Variants in EXOC5 observed in about 807,000 individuals in gnomAD.
EXOC5 encodes the protein SEC10-like 1.
In EXOC5, 17 loss-of-function variants were observed where a neutral mutation model predicts 90.8. The observed-to-expected ratio is 0.19, with a 90% confidence interval of 0.13 to 0.28. The LOEUF (loss-of-function observed/expected upper bound fraction) is 0.28. Among genes scored for constraint, EXOC5 ranks in the 10% least tolerant of loss-of-function variants. The pLI, the probability that EXOC5 is intolerant of heterozygous loss-of-function variation, is 1.00. For synonymous variants in EXOC5, 260 were observed against 270.0 expected, an observed-to-expected ratio of 0.96 and a Z score of 0.36; for missense variants, 569 against 830.6, an observed-to-expected ratio of 0.69 and a Z score of 3.87.
chr14:57,268,440 C>A lies in EXOC5; in HGVS notation c.27+182G>T. On this transcript the variant is annotated intron_variant, in intron 1 of 17. Coordinates refer to ENST00000621441, the MANE Select transcript of EXOC5 (RefSeq NM_006544.4). Reference sequence around the variant, plus strand: ...GCCCAGCCCACCTCGGCCCCAAGCACCCCTCCCCCATTTCACGCTCCGCCC... The same window carrying A: ...GCCCAGCCCACCTCGGCCCCAAGCAACCCTCCCCCATTTCACGCTCCGCCC... 5 of 1,475,414 alleles carry A rather than the reference C, an allele frequency of 3.4e-6. No homozygotes were observed. The South Asian group carries it at 6.7e-5, about 20-fold the overall frequency. 91.4% of individuals were successfully genotyped at this position (1,475,414 alleles called of 1,614,324 possible).
chr14:57,244,854 G>T (rs528787833), intron 3 of EXOC5, among the ~76,000 whole-genome samples: 1 of 152,136 alleles, frequency 6.6e-6, no homozygotes, highest in African/African-American at 2.4e-5. Flanking sequence ...AATATTAGCT[G>T]GGTTTGGTGG....
chr14:57,229,463 G>A (rs573567669), intron 12 of EXOC5, among the ~76,000 whole-genome samples: 1 of 152,156 alleles, frequency 6.6e-6, no homozygotes, highest in African/African-American at 2.4e-5. Context: ...AATATGTACT[G>A]TCATCATCCC....
intron 1 of EXOC5, among the ~76,000 whole-genome samples, chr14:57,252,926 A>G (rs1884235922): frequency 1.3e-5 from 2 of 152,194 alleles, no homozygotes; most frequent in Admixed American, 1.3e-4. Flanking sequence ...AATACAGCAT[A>G]TATTCACAAG....
Position 57,206,193 on chromosome 14 carries a change from G to C in EXOC5, c.*2416C>G. 2 of 296,586 alleles carry C rather than the reference G, an allele frequency of 6.7e-6. No individual in the cohort carries two copies. The highest frequency in any genetic ancestry group is 1.8e-4 in the East Asian group (2 of 11,060). 18.4% of individuals were successfully genotyped at this position (296,586 alleles called of 1,614,324 possible). The stretch of plus-strand genomic sequence containing the variant: ...AAAGACCGTACTTACGTAAATGTTG[G>C]TTAAAGTTACCAATTATACAAAGCT... On this transcript the variant is annotated 3_prime_UTR_variant, in exon 18 of 18. Transcript: ENST00000621441.
rs1483304122 is a variant in EXOC5 at position 57,200,699 on chromosome 14, C to T, written c.*7910G>A. The T allele has an allele frequency of 1.3e-5, 2 of 148,964 alleles. No individual in the cohort carries two copies. Among genetic ancestry groups the T allele is most frequent in the Admixed American group, 6.7e-5 (1 of 14,874 alleles). 9.2% of individuals were successfully genotyped at this position (148,964 alleles called of 1,614,324 possible). A position where few individuals can be genotyped will look rare whatever the true frequency, so the allele number is the denominator to read the frequency against. ...TTCTTTCAAAATGTAAGTTCTGTGT[C>T]TTGGGCATAACACTTTACCCCCTCC... On this transcript the variant is annotated 3_prime_UTR_variant, in exon 18 of 18. Coordinates refer to ENST00000621441, the MANE Select transcript of EXOC5 (RefSeq NM_006544.4).
chr14:57,259,561 C>T (rs1230362462), intron 1 of EXOC5, among the ~76,000 whole-genome samples: 1 of 152,184 alleles, frequency 6.6e-6, no homozygotes, highest in Non-Finnish European at 1.5e-5. Flanking sequence ...AGGTAACTCA[C>T]CCCACCAAGT....
rs763079171 is a variant in EXOC5, at chr14:57,209,737, T to C, written c.1768A>G (p.Ile590Val). ...CAYVRKQVEK[I>V]KNSMDGKNVD... ...TTCTTCCCATCCATGGAATTTTTAATCTTCTCCACTTGTTTTCTTACGTAA... is the reference window on the plus strand; with the variant it reads ...TTCTTCCCATCCATGGAATTTTTAACCTTCTCCACTTGTTTTCTTACGTAA... Residue 590 changes from isoleucine to valine, a missense_variant, in exon 17 of 18, where the codon ATT (isoleucine) becomes GTT (valine). Physicochemically the swap from Ile to Val is conservative, Grantham distance 29. Transcript: ENST00000621441. 6 of 1,612,726 alleles carry C rather than the reference T, an allele frequency of 3.7e-6. No individual in the cohort carries two copies. The highest frequency in any genetic ancestry group is 5.1e-6 in the Non-Finnish European group (6 of 1,179,296).
chr14:57,248,478 T>C (rs933521582), intron 1 of EXOC5, among the ~76,000 whole-genome samples: 5 of 151,908 alleles, frequency 3.3e-5, no homozygotes, highest in Admixed American at 2.0e-4. Flanking sequence ...TAACATATGA[T>C]AGCTGATGAA....
intron 1 of EXOC5, among the ~76,000 whole-genome samples, chr14:57,249,010 T>C (rs1219824015): frequency 1.3e-5 from 2 of 152,158 alleles, no homozygotes; most frequent in East Asian, 1.9e-4. Flanking sequence ...CTTAGAACTT[T>C]AGAAACTAAG....
At chr14:57,229,703 A>T in intron 12 of EXOC5, 31 bp downstream of exon 12, 1 of 1,413,576 alleles carries the variant, frequency 7.1e-7, no homozygotes, top group Non-Finnish European at 9.5e-7. Context: ...GAACAACTGT[A>T]TATGTAAAAT....
Position 57,233,892 on chromosome 14 carries a change from C to A in EXOC5, c.715-9G>T. The stretch of plus-strand genomic sequence containing the variant: ...TTTCTCAAATAAGCACCCTAAACAG[C>A]AGAGACATTTTATACAGTGAACATA... On this transcript the variant is annotated splice_polypyrimidine_tract_variant and intron_variant, in intron 8 of 17. Coordinates refer to ENST00000621441, the MANE Select transcript of EXOC5 (RefSeq NM_006544.4). 1 of 1,608,466 alleles carries A rather than the reference C, an allele frequency of 6.2e-7. No individual in the cohort carries two copies. The highest frequency in any genetic ancestry group is 8.5e-7 in the Non-Finnish European group (1 of 1,175,708).
chr14:57,268,635 G>A lies in EXOC5; in HGVS notation c.14C>T (p.Ala5Val), dbSNP rs1380340562. MATT[A>V]ELFEEPFVAD... ...GCCGGGGCCCACCTCGAAGAGCTCG[G>A]CCGTGGTAGCCATCCCGGCCGGCTG... Residue 5 changes from alanine to valine, a missense_variant, in exon 1 of 18, where the codon GCC becomes GTC. Ala to Val is a moderately conservative substitution (Grantham distance 64). Transcript: ENST00000621441. 2.5e-6 allele frequency: 4 copies of A among 1,590,706 alleles called. No homozygotes were observed. In the East Asian group the frequency reaches 9.1e-5, roughly 36 times the overall value.
At chr14:57,230,961 G>C (rs1488519075) in intron 11 of EXOC5, among the ~76,000 whole-genome samples, 1 of 148,268 alleles carries the variant, frequency 6.7e-6, no homozygotes, top group Non-Finnish European at 1.5e-5. Flanking sequence ...CTAGTGTTCT[G>C]CTCGATAGTT....
Position 57,231,525 on chromosome 14 carries a change from T to G in EXOC5, c.1129A>C (p.Arg377=). 1 of 1,609,780 alleles carries G rather than the reference T, an allele frequency of 6.2e-7. No homozygotes were observed. The change falls in exon 11 of 18, where the codon AGA becomes CGA. Residue 377 remains arginine, a synonymous_variant. Transcript: ENST00000621441. ...RYYDSKNHQK[R]SIGTGGIQDL... ...ACTCACCCTCCTGTGCCAATGGATCTCTTTTGATGGTTTTTCGAATCATAA... is the reference window on the plus strand; with the variant it reads ...ACTCACCCTCCTGTGCCAATGGATCGCTTTTGATGGTTTTTCGAATCATAA...
At chr14:57,247,262 T>C (rs1369184946) in intron 2 of EXOC5, among the ~76,000 whole-genome samples, 1 of 152,166 alleles carries the variant, frequency 6.6e-6, no homozygotes, top group Non-Finnish European at 1.5e-5. Flanking sequence ...AATAATAATA[T>C]ACATTCCAGA....
At chr14:57,255,700 TG>T (rs1420329094) in intron 1 of EXOC5, among the ~76,000 whole-genome samples, 1 of 152,054 alleles carries the variant, frequency 6.6e-6, no homozygotes, top group Non-Finnish European at 1.5e-5. Context: ...GGGTTGGTGG[TG>T]GGCACCTGTA....
At chr14:57,242,863 C>T (rs939634799) in intron 4 of EXOC5, among the ~76,000 whole-genome samples, 2 of 152,114 alleles carry the variant, frequency 1.3e-5, no homozygotes, top group Non-Finnish European at 2.9e-5. Flanking sequence ...CATCAACCAA[C>T]GAGCAGATAA....
Position 57,209,983 on chromosome 14 carries a change from A to T in EXOC5, c.1692T>A (p.Asp564Glu). ...EQKKTDFKPE[D>E]ENNVLIQYTN... ...TATATTGAATCAAAACATTGTTTTC[A>T]TCTTCTGGCTTAAAATCTGTTTTCT... The change falls in exon 16 of 18, where the codon GAT becomes GAA. Residue 564 changes from aspartate (D) to glutamate (E), a missense_variant. Asp to Glu is a conservative substitution (Grantham distance 45). Transcript: ENST00000621441. 2 of 1,581,234 alleles carry T rather than the reference A, an allele frequency of 1.3e-6. No homozygotes were observed. Among genetic ancestry groups the T allele is most frequent in the Non-Finnish European group, 1.7e-6 (2 of 1,154,796 alleles).
At chr14:57,267,211 A>G (rs1884696043) in intron 1 of EXOC5, among the ~76,000 whole-genome samples, 1 of 152,224 alleles carries the variant, frequency 6.6e-6, no homozygotes, top group African/African-American at 2.4e-5. Context: ...ACAATTTTGG[A>G]ATTACAGAAA....
Sources: gnomAD v4.1 joint callset for allele counts (sites outside exome capture counted in the v4.1 genomes callset) on GRCh38, gnomAD v4.1.1 for gene constraint, MANE v1.5 for transcripts, NCBI Gene and HGNC (gene_info 2026-07-23, HGNC 2026-07-21) for gene names.